Variants in CNGB3 observed in about 807,000 individuals in gnomAD.
CNGB3 encodes the protein cyclic nucleotide gated channel subunit beta 3, also known as cyclic nucleotide-gated channel beta-3.
Under a neutral mutation model 92.8 loss-of-function variants are expected in CNGB3, and 86 were observed. The observed-to-expected ratio is 0.93, with a 90% CI of 0.78 to 1.11. The LOEUF is 1.11. CNGB3 is among the 50% of genes least tolerant of loss of function. CNGB3 has a pLI of 0.00. For missense variants in CNGB3, 1,026 were observed against 956.8 expected (o/e 1.07, Z -0.95); for synonymous variants, 333 against 332.7 (o/e 1.00, Z -0.01).
intron 8 of CNGB3, 148 bp from the exon 9 acceptor site, chr8:86,644,834 T>A: frequency 1.9e-6 from 1 of 520,328 alleles, no homozygotes; most frequent in Non-Finnish European, 2.8e-6. Flanking sequence ...AGTGATATTT[T>A]CCTCTGGACA....
At chr8:86,685,741 A>G (rs573262859) in intron 3 of CNGB3, among the ~76,000 whole-genome samples, 1 of 152,244 alleles carries the variant, frequency 6.6e-6, no homozygotes, top group African/African-American at 2.4e-5. Flanking sequence ...AGAGAAGTGA[A>G]AATAATTAGA....
At chr8:86,630,831 G>A (rs1356589966) in intron 11 of CNGB3, among the ~76,000 whole-genome samples, 2 of 152,134 alleles carry the variant, frequency 1.3e-5, no homozygotes, top group African/African-American at 4.8e-5. Flanking sequence ...CTATGATTAA[G>A]CCACTACACC....
intron 1 of CNGB3, among the ~76,000 whole-genome samples, chr8:86,742,729 C>A (rs1474884296): frequency 6.6e-6 from 1 of 152,126 alleles, no homozygotes; most frequent in Non-Finnish European, 1.5e-5. Context: ...AGGACTTAAA[C>A]CTGTCACAGA....
intron 2 of CNGB3, among the ~76,000 whole-genome samples, chr8:86,727,752 T>G (rs1185236899): frequency 6.6e-6 from 1 of 152,168 alleles, no homozygotes; most frequent in Non-Finnish European, 1.5e-5. Flanking sequence ...CATTTTTAAT[T>G]GGATGTCTTG....
At chr8:86,657,928 T>C (rs1585997434) in intron 6 of CNGB3, 2 of 550,770 alleles carry the variant, frequency 3.6e-6, no homozygotes, top group East Asian at 4.6e-5. Context: ...CAGCTCCCCC[T>C]GCCATGCCCT....
At chr8:86,606,073 C>T (rs1435484100) in intron 14 of CNGB3, among the ~76,000 whole-genome samples, 1 of 151,650 alleles carries the variant, frequency 6.6e-6, no homozygotes. Flanking sequence ...CATCTCCTAA[C>T]TGAGCAATGC....
intron 7 of CNGB3, among the ~76,000 whole-genome samples, chr8:86,652,612 A>G (rs1384084877): frequency 6.6e-6 from 1 of 151,942 alleles, no homozygotes; most frequent in Non-Finnish European, 1.5e-5. Context: ...TTTTTGTTAA[A>G]AACCAAGACA....
chr8:86,661,776 C>G (rs1246589118), intron 6 of CNGB3: 2 of 1,589,300 alleles, frequency 1.3e-6, no homozygotes, highest in African/African-American at 2.7e-5. Flanking sequence ...GTTATATAAT[C>G]TGCAGAGTTC....
intron 6 of CNGB3, chr8:86,659,723 C>T (rs887464293): frequency 2.4e-5 from 9 of 374,966 alleles, no homozygotes; most frequent in Non-Finnish European, 4.2e-5. Context: ...TCTGCCTTCT[C>T]GGACATGAGG....
intron 14 of CNGB3, among the ~76,000 whole-genome samples, chr8:86,610,494 G>A (rs1411359649): frequency 1.4e-5 from 2 of 147,162 alleles, no homozygotes; most frequent in South Asian, 2.1e-4. Flanking sequence ...TCAAGACTTA[G>A]CTCAGACATC....
At chr8:86,653,335 A>G (rs1823441497) in intron 7 of CNGB3, among the ~76,000 whole-genome samples, 1 of 152,104 alleles carries the variant, frequency 6.6e-6, no homozygotes, top group East Asian at 1.9e-4. Flanking sequence ...GAGATTAAAA[A>G]AAAAACAATT....
intron 8 of CNGB3, among the ~76,000 whole-genome samples, chr8:86,646,629 T>C (rs1823295850): frequency 6.6e-6 from 1 of 151,240 alleles, no homozygotes; most frequent in South Asian, 2.1e-4. Flanking sequence ...ATTGTCGTTG[T>C]TGTTGTCAGG....
At chr8:86,604,064 TC>T in intron 15 of CNGB3, 28 bp downstream of exon 15, 1 of 1,398,980 alleles carries the variant, frequency 7.1e-7, no homozygotes, top group Non-Finnish European at 1.0e-6. Flanking sequence ...ATGATGGACT[TC>T]AATATTTATG....
chr8:86,591,545 T>A (rs1368997225), intron 15 of CNGB3, among the ~76,000 whole-genome samples: 1 of 150,462 alleles, frequency 6.6e-6, no homozygotes, highest in Non-Finnish European at 1.5e-5. Flanking sequence ...TGTTTGTTAG[T>A]TTTCCTTCTA....
intron 3 of CNGB3, among the ~76,000 whole-genome samples, chr8:86,716,289 G>A (rs1432571030): frequency 6.6e-6 from 1 of 152,164 alleles, no homozygotes; most frequent in African/African-American, 2.4e-5. Context: ...TAAAAGTTTG[G>A]AGAATATATT....
intron 3 of CNGB3, among the ~76,000 whole-genome samples, chr8:86,671,847 T>C (rs1823867794): frequency 6.6e-6 from 1 of 152,168 alleles, no homozygotes; most frequent in Non-Finnish European, 1.5e-5. Context: ...AGTGAGAGCC[T>C]AGTCTGGCCT....
At chr8:86,647,779 C>A in intron 8 of CNGB3, 22 bp downstream of exon 8, 1 of 1,170,972 alleles carries the variant, frequency 8.5e-7, no homozygotes, top group South Asian at 1.2e-5. Flanking sequence ...AGGGAAAAGA[C>A]AATTAAATAT....
At chr8:86,718,023 A>G (rs1563765171) in intron 3 of CNGB3, among the ~76,000 whole-genome samples, 1 of 152,206 alleles carries the variant, frequency 6.6e-6, no homozygotes, top group African/African-American at 2.4e-5. Flanking sequence ...TGGTGCGAAG[A>G]GCAACATTCA....
chr8:86,701,148 T>C (rs966308792), intron 3 of CNGB3, among the ~76,000 whole-genome samples: 3 of 152,202 alleles, frequency 2.0e-5, no homozygotes, highest in Admixed American at 1.3e-4. Flanking sequence ...TTAACAGCTA[T>C]GAGCTCATAA....
Sources: gnomAD v4.1 joint callset for allele counts (sites outside exome capture counted in the v4.1 genomes callset) on GRCh38, gnomAD v4.1.1 for gene constraint, MANE v1.5 for transcripts, NCBI Gene and HGNC (gene_info 2026-07-23, HGNC 2026-07-21) for gene names.